MOGAT1: variants seen among roughly 807,000 people sequenced by gnomAD.
The protein encoded by MOGAT1 is 2-acylglycerol O-acyltransferase 1.
Under a neutral mutation model 31.4 loss-of-function variants are expected in MOGAT1, and 32 were observed. That is an observed-to-expected ratio of 1.02 (90% CI 0.77 to 1.37). MOGAT1 has a LOEUF of 1.37. Ranked by LOEUF, MOGAT1 falls within the 40% of genes most tolerant of loss-of-function variation. The probability of loss-of-function intolerance (pLI) is 0.00; values close to 1 mark genes in which losing one functional copy is unlikely to be tolerated. For missense variants in MOGAT1, 426 were observed against 402.0 expected, an observed-to-expected ratio of 1.06 and a Z score of -0.51; for synonymous variants, 145 against 144.5, an observed-to-expected ratio of 1.00 and a Z score of -0.03.
chr2:222,698,168 T>C (rs1435485991), intron 5 of MOGAT1, among the ~76,000 whole-genome samples: 2 of 152,208 alleles, frequency 1.3e-5, no homozygotes, highest in Non-Finnish European at 2.9e-5. Flanking sequence ...AAGGATTCCT[T>C]GTGCATTTGG....
chr2:222,689,224 A>G (rs183951178), intron 2 of MOGAT1, 41 bp from the exon 3 acceptor site: 2 of 1,466,542 alleles, frequency 1.4e-6, no homozygotes, highest in East Asian at 2.3e-5. Flanking sequence ...ATAATAAGGG[A>G]AGTTTCTTTT....
At chr2:222,694,925 T>C (rs1278288368) in intron 4 of MOGAT1, among the ~76,000 whole-genome samples, 164 bp from the exon 5 acceptor site, 1 of 152,208 alleles carries the variant, frequency 6.6e-6, no homozygotes, top group Admixed American at 6.5e-5. Flanking sequence ...CCCTAAAGAA[T>C]GTCAAGTTTA....
At chr2:222,673,870 T>C (rs897272222) in intron 1 of MOGAT1, among the ~76,000 whole-genome samples, 10 of 152,216 alleles carry the variant, frequency 6.6e-5, no homozygotes, top group Admixed American at 6.5e-4. Context: ...GTCTGGCCCA[T>C]GGAAGATATA....
intron 4 of MOGAT1, 92 bp from the exon 5 acceptor site, chr2:222,694,997 T>G (rs1015502041): frequency 9.1e-6 from 9 of 987,638 alleles, no homozygotes; most frequent in Non-Finnish European, 1.3e-5. Flanking sequence ...TTAAAAAATT[T>G]TTCAGAAGTT....
intron 1 of MOGAT1, among the ~76,000 whole-genome samples, 191 bp from the exon 2 acceptor site, chr2:222,688,153 C>G (rs189166229): frequency 6.6e-6 from 1 of 152,124 alleles, no homozygotes; most frequent in Non-Finnish European, 1.5e-5. Context: ...GTCCATAACA[C>G]GATGCTTGGC....
chr2:222,690,167 A>T (rs764031385), intron 3 of MOGAT1, among the ~76,000 whole-genome samples: 1 of 152,184 alleles, frequency 6.6e-6, no homozygotes, highest in Non-Finnish European at 1.5e-5. Context: ...AGGTGGAAGG[A>T]TCACCTGAGC....
At chr2:222,686,257 T>C (rs1263493479) in intron 1 of MOGAT1, among the ~76,000 whole-genome samples, 1 of 152,188 alleles carries the variant, frequency 6.6e-6, no homozygotes, top group Non-Finnish European at 1.5e-5. Context: ...CAGCTGCAAA[T>C]CCTTTGGACG....
At chr2:222,682,970 G>A (rs1420231352) in intron 1 of MOGAT1, among the ~76,000 whole-genome samples, 1 of 152,132 alleles carries the variant, frequency 6.6e-6, no homozygotes, top group Non-Finnish European at 1.5e-5. Flanking sequence ...TTGGAAGACC[G>A]AGGCAGGTGG....
intron 1 of MOGAT1, among the ~76,000 whole-genome samples, chr2:222,682,302 G>C (rs1350367941): frequency 6.6e-6 from 1 of 152,034 alleles, no homozygotes; most frequent in Admixed American, 6.6e-5. Flanking sequence ...AATTTATCAG[G>C]GATATGATAA....
chr2:222,671,732 G>A lies in MOGAT1; in HGVS notation c.-54G>A. The A allele has an allele frequency of 1.4e-6, 2 of 1,442,286 alleles. No individual in the cohort carries two copies. Among genetic ancestry groups the A allele is most frequent in the Non-Finnish European group, 1.9e-6 (2 of 1,050,210 alleles). 89.3% of individuals were successfully genotyped at this position (1,442,286 alleles called of 1,614,324 possible). ...CCGGGCACTTCCCACAGGCGCCGCA[G>A]AGCAGCGTGGGTGCAGGCTGCAGTG... On this transcript the variant is annotated 5_prime_UTR_variant, in exon 1 of 6. Transcript: ENST00000446656.
intron 5 of MOGAT1, among the ~76,000 whole-genome samples, chr2:222,702,466 C>A (rs1471734302): frequency 6.6e-6 from 1 of 151,984 alleles, no homozygotes; most frequent in Non-Finnish European, 1.5e-5. Flanking sequence ...TCATTGATGT[C>A]CACAACTTAC....
chr2:222,677,729 G>A, intron 1 of MOGAT1: 1 of 408,544 alleles, frequency 2.4e-6, no homozygotes. Flanking sequence ...GTCGATTCTG[G>A]TGAAGAAGGA....
chr2:222,685,083 A>G (rs1692642040), intron 1 of MOGAT1, among the ~76,000 whole-genome samples: 1 of 152,234 alleles, frequency 6.6e-6, no homozygotes, highest in African/African-American at 2.4e-5. Context: ...ATTGTGATAA[A>G]ATACAGAATA....
At chr2:222,704,418 A>G (rs752765154) in intron 5 of MOGAT1, among the ~76,000 whole-genome samples, 3 of 151,850 alleles carry the variant, frequency 2.0e-5, no homozygotes, top group Admixed American at 6.5e-5. Context: ...AGGTCAGGAG[A>G]TCGAGACCAT....
intron 3 of MOGAT1, among the ~76,000 whole-genome samples, chr2:222,692,365 C>T (rs1220881082): frequency 6.6e-6 from 1 of 152,180 alleles, no homozygotes; most frequent in African/African-American, 2.4e-5. Context: ...AGCCCAGTAC[C>T]TGGCCAGTAG....
chr2:222,677,418 A>G (rs1458174280), intron 1 of MOGAT1, among the ~76,000 whole-genome samples: 1 of 152,202 alleles, frequency 6.6e-6, no homozygotes, highest in Non-Finnish European at 1.5e-5. Flanking sequence ...GACTCTACTA[A>G]AAAGCTACCA....
intron 5 of MOGAT1, among the ~76,000 whole-genome samples, chr2:222,703,105 T>C (rs1320397417): frequency 2.6e-5 from 4 of 152,094 alleles, no homozygotes; most frequent in African/African-American, 7.2e-5. Context: ...GGAACCCCCA[T>C]AAGAAAATGA....
intron 5 of MOGAT1, among the ~76,000 whole-genome samples, chr2:222,704,552 A>G (rs925536521): frequency 2.0e-5 from 3 of 151,566 alleles, no homozygotes; most frequent in African/African-American, 7.3e-5. Context: ...TGAACCCGGG[A>G]GGCGGAGCTT....
chr2:222,693,281 A>C (rs1279499203), intron 3 of MOGAT1, among the ~76,000 whole-genome samples: 2 of 152,200 alleles, frequency 1.3e-5, no homozygotes, highest in Admixed American at 6.5e-5. Flanking sequence ...TATGTAGAAC[A>C]TGTGAAATCT....
Sources: gnomAD v4.1 joint callset for allele counts (sites outside exome capture counted in the v4.1 genomes callset) on GRCh38, gnomAD v4.1.1 for gene constraint, MANE v1.5 for transcripts, NCBI Gene and HGNC (gene_info 2026-07-23, HGNC 2026-07-21) for gene names.